Variants in NWD2 observed in about 807,000 individuals in gnomAD.
NWD2 encodes the protein NACHT and WD repeat domain containing 2.
A neutral mutation model predicts 132.7 loss-of-function variants in NWD2; 37 were observed. The observed-to-expected ratio is 0.28, with a 90% CI of 0.21 to 0.37. NWD2 has a LOEUF of 0.37. Among genes scored for constraint, NWD2 ranks in the 10% least tolerant of loss-of-function variants. The pLI, the probability that NWD2 is intolerant of heterozygous loss-of-function variation, is 1.00. For missense variants in NWD2, 1,592 were observed against 2,122.4 expected, an observed-to-expected ratio of 0.75 and a Z score of 4.91; for synonymous variants, 705 against 803.0, an observed-to-expected ratio of 0.88 and a Z score of 2.06.
At chr4:37,300,427 C>G (rs553524636) in intron 1 of NWD2, among the ~76,000 whole-genome samples, 2 of 151,964 alleles carry the variant, frequency 1.3e-5, no homozygotes, top group African/African-American at 4.8e-5. Flanking sequence ...ATCTGAAAGG[C>G]CTCATATAGA....
At chr4:37,330,227 A>G (rs1219265344) in intron 2 of NWD2, among the ~76,000 whole-genome samples, 4 of 152,196 alleles carry the variant, frequency 2.6e-5, no homozygotes, top group Admixed American at 6.5e-5. Flanking sequence ...AATTAATTCT[A>G]TATGTGATGG....
intron 2 of NWD2, among the ~76,000 whole-genome samples, chr4:37,346,769 A>T (rs1362682751): frequency 6.6e-6 from 1 of 152,114 alleles, no homozygotes; most frequent in Non-Finnish European, 1.5e-5. Context: ...TAGTGATCTT[A>T]TGAATGAAAG....
intron 1 of NWD2, among the ~76,000 whole-genome samples, chr4:37,276,484 A>G (rs1370872227): frequency 6.6e-6 from 1 of 152,208 alleles, no homozygotes; most frequent in Non-Finnish European, 1.5e-5. Flanking sequence ...ACACTTTTAC[A>G]CTGTTGGTGG....
At position 37,313,947 on chromosome 4, in the gene NWD2, C is replaced by T. The variant is rs556017695; in HGVS notation, c.152-11989C>T. On this transcript the variant is annotated intron_variant, in intron 1 of 6. Transcript: ENST00000309447. ...TCCTGACCTCATTATCTGCACACGTCGGCCTCCCAAAGTACTGAGATTACA... is the reference window on the plus strand; with the variant it reads ...TCCTGACCTCATTATCTGCACACGTTGGCCTCCCAAAGTACTGAGATTACA... Among the ~76,000 whole-genome samples, 10 of 150,310 alleles carry T rather than the reference C, an allele frequency of 6.7e-5. 1 individual carries two copies. The East Asian group carries it at 9.7e-4, about 15-fold the overall frequency.
At position 37,442,706 on chromosome 4, in the gene NWD2, TA is replaced by T. The variant is rs1314713110; in HGVS notation, c.1297-575del. The stretch of plus-strand genomic sequence containing the variant: ...TCAAAATTATGACCCTATAACACCA[TA>T]AAATTATCTCTAAATCATAAAAGAT... On this transcript the variant is annotated intron_variant, in intron 6 of 6. Transcript: ENST00000309447. Among the ~76,000 whole-genome samples the T allele has an allele frequency of 2.6e-5, 4 of 152,084 alleles. 1 individual carries two copies. The East Asian group carries it at 7.7e-4, about 29-fold the overall frequency.
At chr4:37,392,458 TAGC>T (rs1410728201) in intron 3 of NWD2, among the ~76,000 whole-genome samples, 3 of 152,138 alleles carry the variant, frequency 2.0e-5, no homozygotes, top group African/African-American at 7.2e-5. Context: ...GTAGGATATT[TAGC>T]AGCATCTCAT....
At position 37,439,542 on chromosome 4, in the gene NWD2, G is replaced by A. The variant is rs1712424929; in HGVS notation, c.1296+152G>A. Among the ~76,000 whole-genome samples the A allele has an allele frequency of 6.6e-6, 1 of 152,096 alleles. No individual in the cohort carries two copies. The highest frequency in any genetic ancestry group is 1.5e-5 in the Non-Finnish European group (1 of 68,022). Reference sequence around the variant, plus strand: ...ATACTGCAGTGCTTCTTTTTTGCTGGTATAACAGTTATATTGAGAGAGCAA... The same window carrying A: ...ATACTGCAGTGCTTCTTTTTTGCTGATATAACAGTTATATTGAGAGAGCAA... On this transcript the variant is annotated intron_variant, in intron 6 of 6. Transcript: ENST00000309447. This position sits in a 1 kb window ranked among gnomAD's most constrained non-coding sequence, Gnocchi z 4.5.
rs554745007 is a variant in NWD2 at position 37,247,240 on chromosome 4, G to A, written c.151+2022G>A. On this transcript the variant is annotated intron_variant, in intron 1 of 6. Transcript: ENST00000309447. Reference sequence around the variant, plus strand: ...GATGGGCATTTTTAATGATCTGAACGTGAAGCCTTAAAATCTTGGTAAATG... The same window carrying A: ...GATGGGCATTTTTAATGATCTGAACATGAAGCCTTAAAATCTTGGTAAATG... 2.4e-4 allele frequency among the ~76,000 whole-genome samples: 37 copies of A among 152,318 alleles called. No homozygotes were observed. In the East Asian group the frequency reaches 6.0e-3, roughly 25 times the overall value.
Position 37,422,802 on chromosome 4 carries a change from C to A in NWD2, c.358-7770C>A, listed in dbSNP as rs535121006. ...CTGAAACTCAGAGAGACAAAACAAT[C>A]TGCTTACATCACTCCTAATGCCTTG... On this transcript the variant is annotated intron_variant, in intron 3 of 6. Transcript: ENST00000309447. 1.4e-4 allele frequency among the ~76,000 whole-genome samples: 21 copies of A among 152,306 alleles called. No individual in the cohort carries two copies. In the South Asian group the frequency reaches 4.1e-3, roughly 30 times the overall value.
chr4:37,262,485 C>T (rs1043527924), intron 1 of NWD2, among the ~76,000 whole-genome samples: 7 of 151,994 alleles, frequency 4.6e-5, no homozygotes, highest in South Asian at 2.1e-4. Flanking sequence ...GATGATTGGC[C>T]GGTATTCTTG....
At chr4:37,396,010 C>A (rs1311276860) in intron 3 of NWD2, among the ~76,000 whole-genome samples, 1 of 151,866 alleles carries the variant, frequency 6.6e-6, no homozygotes, top group African/African-American at 2.4e-5. Flanking sequence ...GGCAGCGATG[C>A]AAAAAACAAA....
chr4:37,356,417 C>T lies in NWD2; in HGVS notation c.292C>T (p.Leu98Phe). The T allele has an allele frequency of 1.3e-6, 2 of 1,551,518 alleles. No individual in the cohort carries two copies. The highest frequency in any genetic ancestry group is 2.7e-5 in the African/African-American group (2 of 73,138). Residue 98 changes from leucine to phenylalanine, a missense_variant, in exon 3 of 7, where the codon CTC (leucine) becomes TTC (phenylalanine). Leu to Phe is a conservative substitution (Grantham distance 22). Coordinates refer to ENST00000309447, the MANE Select transcript of NWD2 (RefSeq NM_001144990.2). ...VEEDEWDSPE[L>F]QKTRMKLLEN... ...AGAAGATGAGTGGGACAGCCCAGAGCTCCAGAAGACCCGCATGAAGCTGCT... is the reference window on the plus strand; with the variant it reads ...AGAAGATGAGTGGGACAGCCCAGAGTTCCAGAAGACCCGCATGAAGCTGCT...
chr4:37,325,656 A>G (rs1001839336), intron 1 of NWD2, among the ~76,000 whole-genome samples: 106 of 152,148 alleles, frequency 7.0e-4, no homozygotes, highest in African/African-American at 2.4e-3. Flanking sequence ...GTGAAGGTCT[A>G]TGTAGGCATC....
intron 3 of NWD2, among the ~76,000 whole-genome samples, chr4:37,405,851 GA>G (rs1280638341): frequency 6.6e-6 from 1 of 152,172 alleles, no homozygotes; most frequent in Non-Finnish European, 1.5e-5. Context: ...GAGAAAGGGG[GA>G]CCAGGGGATT....
At chr4:37,396,051 A>G (rs140744604) in intron 3 of NWD2, among the ~76,000 whole-genome samples, 96 of 152,240 alleles carry the variant, frequency 6.3e-4, no homozygotes, top group Middle Eastern at 3.4e-3. Context: ...TCCTTCTCCT[A>G]TGTGTCCTCA....
chr4:37,292,419 T>A (rs1183719876), intron 1 of NWD2, among the ~76,000 whole-genome samples: 2 of 152,164 alleles, frequency 1.3e-5, no homozygotes, highest in African/African-American at 4.8e-5. Flanking sequence ...GCACCATCTA[T>A]GAAGCGGAGA....
intron 1 of NWD2, among the ~76,000 whole-genome samples, chr4:37,273,333 A>C (rs1205200427): frequency 6.6e-6 from 1 of 152,088 alleles, no homozygotes; most frequent in Non-Finnish European, 1.5e-5. Flanking sequence ...AGAGACAAAC[A>C]AGGCCATTAC....
At chr4:37,298,565 T>C (rs971307904) in intron 1 of NWD2, among the ~76,000 whole-genome samples, 1 of 152,028 alleles carries the variant, frequency 6.6e-6, no homozygotes. Flanking sequence ...GGTAGATGGG[T>C]AGGGTAGAGA....
intron 2 of NWD2, among the ~76,000 whole-genome samples, chr4:37,347,892 T>C (rs1180903550): frequency 6.6e-6 from 1 of 152,246 alleles, no homozygotes; most frequent in African/African-American, 2.4e-5. Flanking sequence ...TAGTTCTTGG[T>C]TTGTGCATGG....
Sources: allele counts gnomAD v4.1 joint callset (sites outside exome capture counted in the v4.1 genomes callset), GRCh38; gene constraint gnomAD v4.1.1; non-coding constraint Gnocchi (gnomAD v3.1); transcripts MANE v1.5; gene names NCBI Gene and HGNC (gene_info 2026-07-23, HGNC 2026-07-21).